The following EPB41L1 variants were observed in gnomAD, a reference collection of about 807,000 sequenced individuals.
The protein encoded by EPB41L1 is band 4.1-like protein 1.
A neutral mutation model predicts 97.8 loss-of-function variants in EPB41L1; 29 were observed. That is an observed-to-expected ratio of 0.30 (90% confidence interval 0.22 to 0.40). The LOEUF (loss-of-function observed/expected upper bound fraction) is 0.40. Ranked by LOEUF, EPB41L1 falls within the 10% of genes least tolerant of loss-of-function variation. EPB41L1 has a pLI of 1.00. For synonymous variants in EPB41L1, 383 were observed against 459.2 expected, an observed-to-expected ratio of 0.83 and a Z score of 2.12; for missense variants, 812 against 1,162.3, an observed-to-expected ratio of 0.70 and a Z score of 4.38.
chr20:36,178,283 A>C (rs1033435878), intron 4 of EPB41L1, among the ~76,000 whole-genome samples: 1 of 152,208 alleles, frequency 6.6e-6, no homozygotes, highest in African/African-American at 2.4e-5. Flanking sequence ...TCTGGCTGCT[A>C]GAGTTGCTGG....
At chr20:36,143,498 T>C (rs1438210374) in intron 2 of EPB41L1, among the ~76,000 whole-genome samples, 1 of 152,148 alleles carries the variant, frequency 6.6e-6, no homozygotes, top group Non-Finnish European at 1.5e-5. Context: ...CTCATCGTCT[T>C]AGTGAAGTCT....
At chr20:36,227,491 A>G (rs527391943) in intron 21 of EPB41L1, among the ~76,000 whole-genome samples, 1 of 152,310 alleles carries the variant, frequency 6.6e-6, no homozygotes, top group East Asian at 1.9e-4. Context: ...ACTAAACAAC[A>G]CCTGTGATAT....
At chr20:36,156,885 G>T (rs557970609) in intron 1 of EPB41L1, among the ~76,000 whole-genome samples, 4 of 152,148 alleles carry the variant, frequency 2.6e-5, no homozygotes, top group African/African-American at 9.7e-5. Context: ...AGCACCTGCC[G>T]GGACTTCCCT....
rs1036842107 is a variant in EPB41L1 at position 36,222,020 on chromosome 20, T to A, written c.2520+76T>A. ...CCTCCTATGTTGGGTTACCCATGGATGGCTATCCTCATGGGCAGAGAAGGT... is the reference window on the plus strand; with the variant it reads ...CCTCCTATGTTGGGTTACCCATGGAAGGCTATCCTCATGGGCAGAGAAGGT... On this transcript the variant is annotated intron_variant, in intron 20 of 21. Coordinates refer to ENST00000338074, the MANE Select transcript of EPB41L1 (RefSeq NM_012156.2). The A allele has an allele frequency of 4.1e-6, 6 of 1,468,586 alleles. No homozygotes were observed. The African/African-American group carries it at 4.2e-5, about 10-fold the overall frequency. The allele number at this position is 1,468,586 out of a possible 1,614,324, so 91.0% of individuals were successfully genotyped here. A position where few individuals can be genotyped will look rare whatever the true frequency, so the allele number is the denominator to read the frequency against.
intron 2 of EPB41L1, among the ~76,000 whole-genome samples, chr20:36,137,770 C>T (rs1197508798): frequency 4.0e-5 from 6 of 151,440 alleles, no homozygotes; most frequent in Admixed American, 1.3e-4. Flanking sequence ...GTGATCTGCC[C>T]GCCTCGGCCT....
chr20:36,123,234 C>T (rs1236818539), intron 2 of EPB41L1, among the ~76,000 whole-genome samples: 1 of 152,064 alleles, frequency 6.6e-6, no homozygotes, highest in Admixed American at 6.6e-5. Context: ...CACTTGCTGC[C>T]TCCTGTTCCT....
At chr20:36,098,693 T>C (rs2057912271) in intron 1 of EPB41L1, among the ~76,000 whole-genome samples, 1 of 152,196 alleles carries the variant, frequency 6.6e-6, no homozygotes, top group Non-Finnish European at 1.5e-5. Context: ...TATGAAGTTT[T>C]AGGTAGACAT....
At chr20:36,174,840 A>G (rs1170998476) in intron 2 of EPB41L1, among the ~76,000 whole-genome samples, 4 of 152,238 alleles carry the variant, frequency 2.6e-5, no homozygotes, top group African/African-American at 9.6e-5. Flanking sequence ...TCACATTGCC[A>G]TAAAGTAACA....
chr20:36,171,476 C>A (rs2060984957), intron 1 of EPB41L1, among the ~76,000 whole-genome samples: 1 of 152,180 alleles, frequency 6.6e-6, no homozygotes, highest in African/African-American at 2.4e-5. Context: ...CCCAGGCCTT[C>A]CCTTCCTCCT....
At chr20:36,172,749 C>G (rs1039784469) in intron 1 of EPB41L1, among the ~76,000 whole-genome samples, 12 of 152,146 alleles carry the variant, frequency 7.9e-5, no homozygotes, top group Non-Finnish European at 1.8e-4. Flanking sequence ...TACAGAAGTG[C>G]GCCACCACAC....
Position 36,209,983 on chromosome 20 carries a change from C to A in EPB41L1, c.2079+85C>A, listed in dbSNP as rs1239063442. The A allele has an allele frequency of 1.3e-6, 2 of 1,510,194 alleles. No individual in the cohort carries two copies. Among genetic ancestry groups the A allele is most frequent in the African/African-American group, 1.4e-5 (1 of 72,258 alleles). The allele number at this position is 1,510,194 out of a possible 1,614,324, so 93.5% of individuals were successfully genotyped here. ...GGGCCACCCGTGAGAAGACCGAGCACCCAGCCTGCAGCCTGAAGCTCTGTC... is the reference window on the plus strand; with the variant it reads ...GGGCCACCCGTGAGAAGACCGAGCAACCAGCCTGCAGCCTGAAGCTCTGTC... On this transcript the variant is annotated intron_variant, in intron 15 of 21. Coordinates refer to ENST00000338074, the MANE Select transcript of EPB41L1 (RefSeq NM_012156.2). This position sits in a 1 kb window ranked among gnomAD's most constrained non-coding sequence, Gnocchi z 4.2.
intron 21 of EPB41L1, among the ~76,000 whole-genome samples, chr20:36,227,683 C>T (rs2064250901): frequency 6.6e-6 from 1 of 152,210 alleles, no homozygotes. Flanking sequence ...TACTGGTCTT[C>T]ATCTTCTGTT....
rs528344842 is a variant in EPB41L1 at position 36,155,208 on chromosome 20, C to T, written c.-15+312C>T. The T allele has an allele frequency of 2.4e-5, 11 of 456,148 alleles. No individual in the cohort carries two copies. In the East Asian group the frequency reaches 7.7e-4, roughly 32 times the overall value. The allele number at this position is 456,148 out of a possible 1,614,324, so 28.3% of individuals were successfully genotyped here. ...CTCTTTTCGGAGAGCACTCCTGCTG[C>T]CGCCTCCAGAGGCCAAGGGCTCTTT... On this transcript the variant is annotated intron_variant, in intron 1 of 21. Coordinates refer to ENST00000338074, the MANE Select transcript of EPB41L1 (RefSeq NM_012156.2).
Position 36,165,425 on chromosome 20 carries a change from G to A in EPB41L1, c.-14-8339G>A, listed in dbSNP as rs556500044. The stretch of plus-strand genomic sequence containing the variant: ...GCTCAGAAAGAGGAAGTGGCTGGGT[G>A]TGGTGGCTCACGCCTGTAATCCCAG... On this transcript the variant is annotated intron_variant, in intron 1 of 21. Transcript: ENST00000338074. Among the ~76,000 whole-genome samples the A allele has an allele frequency of 1.2e-4, 19 of 152,178 alleles. No individual in the cohort carries two copies. In the East Asian group the frequency reaches 3.7e-3, roughly 30 times the overall value.
At chr20:36,154,051 T>TA (rs2060166485), upstream of EPB41L1, among the ~76,000 whole-genome samples, 1 of 152,136 alleles carries the variant, frequency 6.6e-6, no homozygotes, top group South Asian at 2.1e-4. This position sits in a 1 kb window ranked among gnomAD's most constrained non-coding sequence, Gnocchi z 5.5. Flanking sequence ...CTCTCACTGT[T>TA]ACACTTACTG....
chr20:36,230,803 C>G lies in EPB41L1; in HGVS notation c.*1463C>G, dbSNP rs1601156704. 6.6e-6 allele frequency: 1 copy of G among 151,528 alleles called. No homozygotes were observed. Among genetic ancestry groups the G allele is most frequent in the East Asian group, 1.9e-4 (1 of 5,164 alleles). 9.4% of individuals were successfully genotyped at this position (151,528 alleles called of 1,614,324 possible). On this transcript the variant is annotated 3_prime_UTR_variant, in exon 22 of 22. Transcript: ENST00000338074. The stretch of plus-strand genomic sequence containing the variant: ...TTTTTTTTTGCCACATTCTGCCCTT[C>G]CCTGACCCCATTGTAATAACCAACT...
At chr20:36,219,739 G>C (rs372268817) in intron 18 of EPB41L1, 22 bp from the exon 19 acceptor site, 6 of 1,609,362 alleles carry the variant, frequency 3.7e-6, no homozygotes, top group African/African-American at 1.3e-5. Flanking sequence ...CACCCTGGGT[G>C]GGGGGTGGTT....
At chr20:36,155,213 T>C (rs1213355133) in intron 1 of EPB41L1, 1 of 456,014 alleles carries the variant, frequency 2.2e-6, no homozygotes, top group Admixed American at 2.4e-5. Context: ...TGCTGCCGCC[T>C]CCAGAGGCCA....
Position 36,178,691 on chromosome 20 carries a change from T to G in EPB41L1, c.490+19T>G, listed in dbSNP as rs528810008. On this transcript the variant is annotated intron_variant, in intron 5 of 21. Coordinates refer to ENST00000338074, the MANE Select transcript of EPB41L1 (RefSeq NM_012156.2). ...ATCCGGAGTGAGTGGCTTGTTGTGT[T>G]TGGGGAGGTGGGTGGGTGAGGGGAT... The G allele has an allele frequency of 1.2e-6, 2 of 1,613,788 alleles. No individual in the cohort carries two copies. The highest frequency in any genetic ancestry group is 4.5e-5 in the East Asian group (2 of 44,870).
Sources: allele counts gnomAD v4.1 joint callset (sites outside exome capture counted in the v4.1 genomes callset), GRCh38; gene constraint gnomAD v4.1.1; non-coding constraint Gnocchi (gnomAD v3.1); transcripts MANE v1.5; gene names NCBI Gene and HGNC (gene_info 2026-07-23, HGNC 2026-07-21).